CEP350: variants seen among roughly 807,000 people sequenced by gnomAD.
CEP350 encodes centrosomal protein 350.
Under a neutral mutation model 331.8 loss-of-function variants are expected in CEP350, and 126 were observed. The observed-to-expected ratio is 0.38, with a 90% confidence interval of 0.33 to 0.44. CEP350 has a LOEUF of 0.44. CEP350 is among the 20% of genes least tolerant of loss of function. The pLI, the probability that CEP350 is intolerant of heterozygous loss-of-function variation, is 1.00. For synonymous variants in CEP350, 1,200 were observed against 1,259.5 expected, an observed-to-expected ratio of 0.95 and a Z score of 1.00; for missense variants, 3,406 against 3,634.6, an observed-to-expected ratio of 0.94 and a Z score of 1.62.
chr1:179,958,333 TTA>T (rs1284956703), intron 1 of CEP350, among the ~76,000 whole-genome samples: 2 of 152,180 alleles, frequency 1.3e-5, no homozygotes, highest in African/African-American at 2.4e-5. Flanking sequence ...TGCTTAAAAT[TTA>T]TGTTACATAA....
intron 1 of CEP350, among the ~76,000 whole-genome samples, chr1:179,979,455 A>G (rs564092401): frequency 6.7e-6 from 1 of 149,256 alleles, no homozygotes; most frequent in South Asian, 2.1e-4. Context: ...ATTCCCTGTC[A>G]GGTGAGTAGT....
chr1:180,020,092 A>G lies in CEP350; in HGVS notation c.2318A>G (p.Lys773Arg). Reference protein sequence around the residue: ...LSLEHVGILHKDFESILPTRK... With the variant: ...LSLEHVGILHRDFESILPTRK... ...TTAGAGCATGTAGGAATTTTGCATA[A>G]GGATTTTGAATCTATTTTACCAACC... The change falls in exon 12 of 38, where the codon AAG (lysine) becomes AGG (arginine). Residue 773 changes from lysine to arginine, a missense_variant. Physicochemically the swap from Lys to Arg is conservative, Grantham distance 26. Transcript: ENST00000367607. 3 of 1,614,022 alleles carry G rather than the reference A, an allele frequency of 1.9e-6. No individual in the cohort carries two copies. The highest frequency in any genetic ancestry group is 2.5e-6 in the Non-Finnish European group (3 of 1,179,898).
intron 27 of CEP350, 32 bp downstream of exon 27, chr1:180,065,304 G>C (rs1558136807): frequency 6.3e-7 from 1 of 1,576,136 alleles, no homozygotes; most frequent in Non-Finnish European, 8.6e-7. Context: ...CTCTTGTTTA[G>C]TTACATTGAA....
intron 1 of CEP350, among the ~76,000 whole-genome samples, chr1:179,976,369 A>C (rs1198684981): frequency 1.3e-5 from 2 of 152,200 alleles, no homozygotes. Flanking sequence ...ACATTTTCTG[A>C]TGACCAGAGA....
At chr1:180,102,133 CAT>C (rs1660854208) in intron 37 of CEP350, among the ~76,000 whole-genome samples, 1 of 146,200 alleles carries the variant, frequency 6.8e-6, no homozygotes. Context: ...ACACCCTTGA[CAT>C]TTTTTTTTTT....
At chr1:180,090,545 C>CAAAAAAAAAAAAAAAAAAAAAAAAA (rs36128628) in intron 32 of CEP350, among the ~76,000 whole-genome samples, 169 bp from the exon 33 acceptor site, 10 of 77,364 alleles carry the variant, frequency 1.3e-4, no homozygotes, top group East Asian at 4.5e-4. Context: ...GACTCCGTCT[C>CAAAAAAAAAAAAAAAAAAAAAAAAA]AAAAAAAAAA....
In CEP350 at chr1:180,110,875, T is replaced by G. The variant is rs538132680; in HGVS notation, c.9190-122T>G. The G allele has an allele frequency of 2.1e-5, 18 of 862,582 alleles. No individual in the cohort carries two copies. The South Asian group carries it at 3.6e-4, about 17-fold the overall frequency. The allele number at this position is 862,582 out of a possible 1,614,324, so 53.4% of individuals were successfully genotyped here. A position where few individuals can be genotyped will look rare whatever the true frequency, so the allele number is the denominator to read the frequency against. On this transcript the variant is annotated intron_variant, in intron 37 of 37. Transcript: ENST00000367607. ...GGGTATTGATATCATATGAATTATC[T>G]TTTTTCTCTGGTTTATTTCCTTGGG...
At chr1:179,988,615 T>TA (rs1424049716) in intron 3 of CEP350, among the ~76,000 whole-genome samples, 7 of 152,158 alleles carry the variant, frequency 4.6e-5, no homozygotes, top group Admixed American at 2.6e-4. Context: ...CAATCTTGTC[T>TA]AAAGTTTAGG....
Position 180,084,139 on chromosome 1 carries a change from A to G in CEP350, c.6246A>G (p.Arg2082=), listed in dbSNP as rs1659722348. The change falls in exon 31 of 38, where the codon AGA becomes AGG. Residue 2082 remains arginine (R), a synonymous_variant. Transcript: ENST00000367607. ...KKEQKKRQKE[R]LKAQEASLIK... is the part of the protein sequence containing the mutation. ...AACAGAAAAAAAGGCAAAAGGAAAG[A>G]CTGAAAGCCCAAGAAGCCAGTCTGA... The G allele has an allele frequency of 4.4e-6, 7 of 1,587,024 alleles. No individual in the cohort carries two copies. Among genetic ancestry groups the G allele is most frequent in the Non-Finnish European group, 6.0e-6 (7 of 1,166,162 alleles).
rs16855275 is a variant in CEP350 at position 180,079,523 on chromosome 1, A to T, written c.5979+849A>T. On this transcript the variant is annotated intron_variant, in intron 29 of 37. Coordinates refer to ENST00000367607, the MANE Select transcript of CEP350 (RefSeq NM_014810.5). ...CCTATTAAATATTATGTTAAAAAAT[A>T]TTTCAATGTCCTTGTGCACATACTT... Among the ~76,000 whole-genome samples, 370 of 152,008 alleles carry T rather than the reference A, an allele frequency of 2.4e-3. 8 individuals are homozygous for T. In the East Asian group the frequency reaches 0.063, roughly 26 times the overall value.
intron 1 of CEP350, among the ~76,000 whole-genome samples, chr1:179,972,529 G>A (rs1484728645): frequency 1.3e-5 from 2 of 151,592 alleles, no homozygotes; most frequent in Non-Finnish European, 3.0e-5. Context: ...TTTTGAGAGG[G>A]AGTCTTGCTC....
chr1:180,034,353 T>C (rs79541341), intron 16 of CEP350, among the ~76,000 whole-genome samples: 18,886 of 152,206 alleles, frequency 0.12, 1,237 homozygotes, highest in South Asian at 0.16. Context: ...TATATGTATA[T>C]GCATGTATAC....
At chr1:180,109,075 G>A (rs1661324812) in intron 37 of CEP350, among the ~76,000 whole-genome samples, 1 of 150,754 alleles carries the variant, frequency 6.6e-6, no homozygotes, top group Non-Finnish European at 1.5e-5. Flanking sequence ...GGGTCTTCTC[G>A]TTTCCTTATA....
intron 6 of CEP350, among the ~76,000 whole-genome samples, chr1:179,998,509 T>G (rs1014884800): frequency 6.6e-6 from 1 of 151,950 alleles, no homozygotes. Context: ...TTTCAACATG[T>G]TGGCCAGGCT....
intron 8 of CEP350, 56 bp from the exon 9 acceptor site, chr1:180,011,873 T>TA (rs1477338265): frequency 2.5e-6 from 3 of 1,203,114 alleles, no homozygotes; most frequent in Non-Finnish European, 3.5e-6. Flanking sequence ...GTTGAGTAGA[T>TA]ACACTTCTTA....
chr1:180,056,855 C>T (rs1351366873), intron 25 of CEP350, among the ~76,000 whole-genome samples: 1 of 152,032 alleles, frequency 6.6e-6, no homozygotes, highest in African/African-American at 2.4e-5. Flanking sequence ...TCTCTTCTGT[C>T]TTGTTTGTAT....
At chr1:180,054,249 A>G (rs1657682103) in intron 24 of CEP350, among the ~76,000 whole-genome samples, 166 bp from the exon 25 acceptor site, 1 of 152,172 alleles carries the variant, frequency 6.6e-6, no homozygotes, top group African/African-American at 2.4e-5. Context: ...CCTCAGTGAA[A>G]TACTTATTTG....
rs1484296337 is a variant in CEP350, at chr1:180,031,347, A to G, written c.3578A>G (p.Gln1193Arg). ...EWLDSFTGNV[Q>R]NSLLDEEKAE... is the part of the protein sequence containing the mutation. ...TTGGATTCATTCACTGGAAATGTTC[A>G]GAACTCACTTCTTGATGAGGAAAAA... The change falls in exon 15 of 38, where the codon CAG (glutamine) becomes CGG (arginine). Residue 1193 changes from glutamine to arginine, a missense_variant. By Grantham distance (43) the Gln-to-Arg change is conservative (BLOSUM62 1). This residue lies in a region of CEP350 where 1,857 missense variants were observed against 1,909.2 expected (regional missense o/e 0.97). Coordinates refer to ENST00000367607, the MANE Select transcript of CEP350 (RefSeq NM_014810.5). 9 of 1,606,620 alleles carry G rather than the reference A, an allele frequency of 5.6e-6. No homozygotes were observed. The East Asian group carries it at 2.0e-4, about 36-fold the overall frequency.
At position 180,114,068 on chromosome 1, in the gene CEP350, TAAAAG is replaced by T. The variant is rs927111070; in HGVS notation, c.*2917_*2921del. On this transcript the variant is annotated 3_prime_UTR_variant, in exon 38 of 38. Coordinates refer to ENST00000367607, the MANE Select transcript of CEP350 (RefSeq NM_014810.5). ...GAAGGTAATTTGTTTTTCTTTTACCTAAAAGAAAAGAAAATTCCTTCTGTGACTAC... is the reference window on the plus strand; with the variant it reads ...GAAGGTAATTTGTTTTTCTTTTACCTAAAAGAAAATTCCTTCTGTGACTAC... 6 of 152,746 alleles carry T rather than the reference TAAAAG, an allele frequency of 3.9e-5. No individual in the cohort carries two copies. The highest frequency in any genetic ancestry group is 9.6e-5 in the African/African-American group (4 of 41,578). 9.5% of individuals were successfully genotyped at this position (152,746 alleles called of 1,614,324 possible).
Sources: allele counts gnomAD v4.1 joint callset (sites outside exome capture counted in the v4.1 genomes callset), GRCh38; gene constraint gnomAD v4.1.1; regional missense constraint gnomAD v4.1.1; transcripts MANE v1.5; gene names NCBI Gene and HGNC (gene_info 2026-07-23, HGNC 2026-07-21).